The following EXOC2 variants were observed in gnomAD, a reference collection of about 807,000 sequenced individuals.
The protein encoded by EXOC2 is exocyst complex component 2, also known as SEC5-like 1.
Under a neutral mutation model 131.8 loss-of-function variants are expected in EXOC2, and 70 were observed. The ratio of observed to expected loss-of-function variants is 0.53; its 90% CI spans 0.44 to 0.65. EXOC2 has a LOEUF of 0.65. EXOC2 is among the 30% of genes least tolerant of loss of function. EXOC2 has a pLI of 0.00. For missense variants in EXOC2, 923 were observed against 1,108.6 expected (o/e 0.83, Z 2.38); for synonymous variants, 411 against 398.4 (o/e 1.03, Z -0.38).
chr6:537,210 G>T (rs983910193), intron 22 of EXOC2, among the ~76,000 whole-genome samples: 2 of 135,682 alleles, frequency 1.5e-5, no homozygotes, highest in African/African-American at 5.5e-5. Flanking sequence ...TCGAGATGAC[G>T]ACCGACGGAG....
At position 496,564 on chromosome 6, in the gene EXOC2, A is replaced by G. The variant is rs145740034; in HGVS notation, c.2559+803T>C. ...CCAAAGCCTGTTTTTCAAGCCAGAA[A>G]GCACGTTTTGTCTTGGAGTTTTAGG... On this transcript the variant is annotated intron_variant, in intron 25 of 27. Transcript: ENST00000230449. Among the ~76,000 whole-genome samples, 840 of 152,260 alleles carry G rather than the reference A, an allele frequency of 5.5e-3. 9 individuals carry two copies. Among genetic ancestry groups the G allele is most frequent in the Non-Finnish European group, 9.0e-3 (611 of 68,000 alleles).
chr6:607,451 C>T (rs1760480614), intron 7 of EXOC2, among the ~76,000 whole-genome samples: 1 of 152,234 alleles, frequency 6.6e-6, no homozygotes, highest in Non-Finnish European at 1.5e-5. Flanking sequence ...GCAACACCTG[C>T]CCTGCAGTAG....
At chr6:674,793 A>AG (rs1764035200) in intron 1 of EXOC2, among the ~76,000 whole-genome samples, 1 of 151,998 alleles carries the variant, frequency 6.6e-6, no homozygotes, top group African/African-American at 2.4e-5. Flanking sequence ...GGACCAGGGA[A>AG]GGGACTGCCC....
intron 25 of EXOC2, among the ~76,000 whole-genome samples, chr6:491,922 C>T (rs1763456629): frequency 6.6e-6 from 1 of 152,178 alleles, no homozygotes; most frequent in Admixed American, 6.5e-5. Flanking sequence ...GAAGAACAGT[C>T]TGTTCAACAA....
intron 3 of EXOC2, 150 bp from the exon 4 acceptor site, chr6:630,111 T>A (rs1325098415): frequency 4.0e-6 from 4 of 998,486 alleles, no homozygotes; most frequent in African/African-American, 3.4e-5. Context: ...GCTAAATTTT[T>A]AAAAAATGAC....
In EXOC2 at chr6:559,306, T is replaced by A. The variant is rs114687056; in HGVS notation, c.1852-2742A>T. 2.6e-3 allele frequency among the ~76,000 whole-genome samples: 401 copies of A among 152,330 alleles called. 1 individual carries two copies. The highest frequency in any genetic ancestry group is 9.3e-3 in the African/African-American group (388 of 41,580). Reference sequence around the variant, plus strand: ...ATAGTGAGGCAGTGCTTGACCTTGATGTCCTCAATGGGATAAGCAATGGGA... The same window carrying A: ...ATAGTGAGGCAGTGCTTGACCTTGAAGTCCTCAATGGGATAAGCAATGGGA... On this transcript the variant is annotated intron_variant, in intron 17 of 27. Coordinates refer to ENST00000230449, the MANE Select transcript of EXOC2 (RefSeq NM_018303.6).
intron 11 of EXOC2, among the ~76,000 whole-genome samples, chr6:578,866 AC>A (rs1758733724): frequency 6.6e-6 from 1 of 152,186 alleles, no homozygotes; most frequent in Non-Finnish European, 1.5e-5. Context: ...GTGATTTATG[AC>A]ATTTTCCTTT....
intron 1 of EXOC2, among the ~76,000 whole-genome samples, chr6:685,037 A>ACTGAAG (rs1764579300): frequency 6.6e-6 from 1 of 152,108 alleles, no homozygotes; most frequent in African/African-American, 2.4e-5. Context: ...ACCTCTACTC[A>ACTGAAG]ACAGGCCACG....
rs1764561208 is a variant in EXOC2 at position 506,872 on chromosome 6, C to T, written c.2381-7172G>A. ...CAGCCTTCTTTCTTGGTATATTTGT[C>T]AGTTTCCTCTTTTAATCATATAGGA... is the stretch of plus-strand genomic sequence containing the variant. On this transcript the variant is annotated intron_variant, in intron 23 of 27. Transcript: ENST00000230449. This position sits in a 1 kb window ranked among gnomAD's most constrained non-coding sequence, Gnocchi z 4.4. Among the ~76,000 whole-genome samples the T allele has an allele frequency of 6.6e-6, 1 of 152,112 alleles. No individual in the cohort carries two copies. Among genetic ancestry groups the T allele is most frequent in the African/African-American group, 2.4e-5 (1 of 41,398 alleles).
chr6:517,387 T>A (rs937824798), intron 23 of EXOC2, among the ~76,000 whole-genome samples: 1 of 152,060 alleles, frequency 6.6e-6, no homozygotes, highest in Non-Finnish European at 1.5e-5. Context: ...CAAATTATGT[T>A]TACATCATGA....
intron 5 of EXOC2, among the ~76,000 whole-genome samples, 182 bp downstream of exon 5, chr6:619,248 T>C (rs755853928): frequency 6.6e-6 from 1 of 152,162 alleles, no homozygotes; most frequent in African/African-American, 2.4e-5. Flanking sequence ...AATCATCCCA[T>C]TGCACAAACA....
intron 1 of EXOC2, among the ~76,000 whole-genome samples, chr6:663,649 A>G (rs1763513582): frequency 6.6e-6 from 1 of 152,228 alleles, no homozygotes; most frequent in African/African-American, 2.4e-5. Flanking sequence ...AAGTCAATAA[A>G]TATGATACAC....
At chr6:486,963 G>A (rs948651039) in intron 27 of EXOC2, among the ~76,000 whole-genome samples, 199 bp from the exon 28 acceptor site, 3 of 152,246 alleles carry the variant, frequency 2.0e-5, no homozygotes, top group East Asian at 1.9e-4. Flanking sequence ...TACTGATAAC[G>A]TATTTATGTT....
chr6:490,277 A>G (rs2127466775), intron 26 of EXOC2, among the ~76,000 whole-genome samples: 1 of 152,270 alleles, frequency 6.6e-6, no homozygotes, highest in East Asian at 1.9e-4. Flanking sequence ...AGTCAGCAGG[A>G]AGAGGGTAGG....
chr6:636,814 G>T lies in EXOC2; in HGVS notation c.118+887C>A, dbSNP rs6930805. Among the ~76,000 whole-genome samples the T allele has an allele frequency of 3.9e-5, 6 of 152,016 alleles. No individual in the cohort carries two copies. In the East Asian group the frequency reaches 1.2e-3, roughly 29 times the overall value. The stretch of plus-strand genomic sequence containing the variant: ...CTGAGCAGTTCACAGGCAAGTAATC[G>T]TAACTGGCCATAAAATTATACTTAA... On this transcript the variant is annotated intron_variant, in intron 2 of 27. Coordinates refer to ENST00000230449, the MANE Select transcript of EXOC2 (RefSeq NM_018303.6).
intron 4 of EXOC2, among the ~76,000 whole-genome samples, chr6:624,124 C>G (rs921963084): frequency 2.4e-4 from 37 of 151,718 alleles, no homozygotes; most frequent in Non-Finnish European, 4.7e-4. Context: ...ATCTTTTATG[C>G]AAACACCTCA....
chr6:575,593 G>C (rs1054164627), intron 12 of EXOC2, among the ~76,000 whole-genome samples: 4 of 152,034 alleles, frequency 2.6e-5, no homozygotes, highest in African/African-American at 9.7e-5. Flanking sequence ...AGCTTCCTGA[G>C]GCCTCCCAGT....
intron 12 of EXOC2, among the ~76,000 whole-genome samples, chr6:574,204 T>C (rs1458806754): frequency 1.3e-5 from 2 of 152,212 alleles, no homozygotes; most frequent in Non-Finnish European, 2.9e-5. Context: ...CCTATATCAT[T>C]TAGCACATGC....
chr6:640,261 G>A (rs910851114), intron 1 of EXOC2, among the ~76,000 whole-genome samples: 1 of 152,156 alleles, frequency 6.6e-6, no homozygotes, highest in African/African-American at 2.4e-5. Context: ...CTGTGCTTTG[G>A]GAGAGACAGA....
Sources: gnomAD v4.1 joint callset for allele counts (sites outside exome capture counted in the v4.1 genomes callset) on GRCh38, gnomAD v4.1.1 for gene constraint, Gnocchi (gnomAD v3.1) non-coding constraint, MANE v1.5 for transcripts, NCBI Gene and HGNC (gene_info 2026-07-23, HGNC 2026-07-21) for gene names.